The following CTNNA3 variants were observed in gnomAD, a reference collection of about 807,000 sequenced individuals.
The protein encoded by CTNNA3 is catenin alpha 3.
CTNNA3 carries 76 observed loss-of-function variants against 95.7 expected under a neutral mutation model. The observed-to-expected ratio is 0.79, with a 90% CI of 0.66 to 0.96. The LOEUF (loss-of-function observed/expected upper bound fraction) is 0.96, where lower values mean the gene tolerates loss of function less well. Ranked by LOEUF, CTNNA3 falls within the 40% of genes least tolerant of loss-of-function variation. CTNNA3 has a pLI of 0.00. For synonymous variants in CTNNA3, 431 were observed against 374.4 expected, an observed-to-expected ratio of 1.15 and a Z score of -1.74; for missense variants, 1,191 against 1,089.8, an observed-to-expected ratio of 1.09 and a Z score of -1.31.
intron 15 of CTNNA3, among the ~76,000 whole-genome samples, chr10:66,023,448 T>C (rs2079264156): frequency 6.6e-6 from 1 of 152,162 alleles, no homozygotes; most frequent in Admixed American, 6.5e-5. Context: ...AAGCAGAATG[T>C]TGACTCATAT....
At chr10:67,312,643 C>T (rs560113989) in intron 5 of CTNNA3, among the ~76,000 whole-genome samples, 7 of 152,300 alleles carry the variant, frequency 4.6e-5, no homozygotes, top group South Asian at 4.1e-4. Context: ...AGTCTGAGGA[C>T]GATAGCCATT....
chr10:66,783,274 A>G (rs1298288326), intron 7 of CTNNA3, among the ~76,000 whole-genome samples: 1 of 152,194 alleles, frequency 6.6e-6, no homozygotes, highest in African/African-American at 2.4e-5. Context: ...ACAGGTATCA[A>G]TATAAACTAT....
At chr10:67,387,363 C>T (rs948395886) in intron 5 of CTNNA3, among the ~76,000 whole-genome samples, 14 of 152,186 alleles carry the variant, frequency 9.2e-5, no homozygotes, top group South Asian at 2.1e-4. Context: ...GCTTAAAAAA[C>T]GGCGCACCAC....
At chr10:66,337,825 T>A (rs2132343968) in intron 12 of CTNNA3, among the ~76,000 whole-genome samples, 1 of 152,148 alleles carries the variant, frequency 6.6e-6, no homozygotes, top group East Asian at 1.9e-4. Context: ...TGCAGCCACT[T>A]TGGAAAACAG....
At chr10:67,678,624 G>GT in intron 1 of CTNNA3, among the ~76,000 whole-genome samples, 1 of 152,184 alleles carries the variant, frequency 6.6e-6, no homozygotes, top group Non-Finnish European at 1.5e-5. Context: ...AGTAAGACAA[G>GT]TATCTTAGAT....
chr10:66,824,139 C>T (rs1842408184), intron 7 of CTNNA3, among the ~76,000 whole-genome samples: 1 of 151,370 alleles, frequency 6.6e-6, no homozygotes, highest in African/African-American at 2.4e-5. Context: ...TTCTATTCAG[C>T]ATGTCTTTGC....
chr10:66,627,292 C>T lies in CTNNA3; in HGVS notation c.1282-5508G>A, dbSNP rs185329254. ...CTCGGAGAACAGTTCTTTTTCTAAC[C>T]TAGTGGTGTAAAGTCTTGGTACGAC... On this transcript the variant is annotated intron_variant, in intron 9 of 17. Coordinates refer to ENST00000433211, the MANE Select transcript of CTNNA3 (RefSeq NM_013266.4). 3.4e-3 allele frequency among the ~76,000 whole-genome samples: 521 copies of T among 152,192 alleles called. 5 individuals carry two copies. Among genetic ancestry groups the T allele is most frequent in the Middle Eastern group, 0.017 (5 of 294 alleles).
intron 7 of CTNNA3, among the ~76,000 whole-genome samples, chr10:67,105,235 T>TGATA (rs56678810): frequency 0.028 from 4,158 of 150,618 alleles, 114 homozygotes; most frequent in East Asian, 0.098. Context: ...ACATATTAAA[T>TGATA]GATAGATAGA....
chr10:66,629,305 C>A (rs1476678333), intron 9 of CTNNA3, among the ~76,000 whole-genome samples: 1 of 152,072 alleles, frequency 6.6e-6, no homozygotes, highest in Non-Finnish European at 1.5e-5. Flanking sequence ...TGACTCAAGG[C>A]AGAGAGCTAC....
intron 5 of CTNNA3, among the ~76,000 whole-genome samples, chr10:67,283,695 T>TC (rs1839487521): frequency 6.6e-6 from 1 of 152,168 alleles, no homozygotes; most frequent in Admixed American, 6.5e-5. Flanking sequence ...TTACTTCCTG[T>TC]CATTCCTGCT....
chr10:66,286,345 G>T (rs1295756403), intron 12 of CTNNA3, among the ~76,000 whole-genome samples: 1 of 151,908 alleles, frequency 6.6e-6, no homozygotes, highest in Non-Finnish European at 1.5e-5. Flanking sequence ...TCTGGTTTCT[G>T]CTAGTTAAGA....
intron 2 of CTNNA3, among the ~76,000 whole-genome samples, chr10:67,622,682 T>A (rs914173042): frequency 6.6e-6 from 1 of 152,214 alleles, no homozygotes; most frequent in Non-Finnish European, 1.5e-5. Flanking sequence ...CTTATTTTAA[T>A]GTAATGAGTG....
intron 9 of CTNNA3, among the ~76,000 whole-genome samples, chr10:66,669,586 T>G (rs1427527721): frequency 6.6e-6 from 1 of 151,950 alleles, no homozygotes; most frequent in African/African-American, 2.4e-5. Flanking sequence ...TAAAAAATAA[T>G]CTAAAGTTTC....
At chr10:66,649,031 C>T (rs12262526) in intron 9 of CTNNA3, among the ~76,000 whole-genome samples, 4,269 of 152,024 alleles carry the variant, frequency 0.028, 206 homozygotes, top group African/African-American at 0.097. Flanking sequence ...AGAAAAACAC[C>T]CACAAAGTAG....
intron 3 of CTNNA3, among the ~76,000 whole-genome samples, chr10:67,562,351 AG>A (rs1406828743): frequency 5.9e-5 from 9 of 152,318 alleles, no homozygotes; most frequent in African/African-American, 2.2e-4. Context: ...AAATCAATAA[AG>A]GTAATCCAGC....
intron 5 of CTNNA3, among the ~76,000 whole-genome samples, chr10:67,489,878 G>T (rs1848588001): frequency 1.3e-5 from 2 of 151,062 alleles, no homozygotes; most frequent in Non-Finnish European, 2.9e-5. Context: ...AGCTTGAAAA[G>T]CCCATTAAGT....
chr10:66,547,702 A>T (rs888886865), intron 10 of CTNNA3, among the ~76,000 whole-genome samples: 1 of 151,774 alleles, frequency 6.6e-6, no homozygotes, highest in African/African-American at 2.4e-5. Context: ...TATTTTAAAG[A>T]TTTTGGTTGG....
intron 11 of CTNNA3, among the ~76,000 whole-genome samples, chr10:66,437,251 G>A (rs532390903): frequency 6.6e-6 from 1 of 152,204 alleles, no homozygotes; most frequent in African/African-American, 2.4e-5. Flanking sequence ...CTAGGTTGGG[G>A]AAGTTCTCCT....
intron 10 of CTNNA3, among the ~76,000 whole-genome samples, chr10:66,582,562 A>G (rs1843224061): frequency 6.6e-6 from 1 of 151,832 alleles, no homozygotes; most frequent in African/African-American, 2.4e-5. Context: ...CTTTCTAGAT[A>G]TAAGATTATA....
Sources: gnomAD v4.1 joint callset for allele counts (sites outside exome capture counted in the v4.1 genomes callset) on GRCh38, gnomAD v4.1.1 for gene constraint, MANE v1.5 for transcripts, NCBI Gene and HGNC (gene_info 2026-07-23, HGNC 2026-07-21) for gene names.